Variants in LIG1 observed in about 807,000 individuals in gnomAD.
LIG1 encodes the protein DNA ligase 1.
In LIG1, 70 loss-of-function variants were observed where a neutral mutation model predicts 115.7. The ratio of observed to expected loss-of-function variants is 0.60; its 90% CI spans 0.50 to 0.74. LIG1 has a LOEUF of 0.74. LIG1 is among the 30% of genes least tolerant of loss of function. LIG1 has a pLI of 0.00. For missense variants in LIG1, 1,115 were observed against 1,225.6 expected (o/e 0.91, Z 1.35); for synonymous variants, 487 against 495.3 (o/e 0.98, Z 0.22).
At chr19:48,157,995 G>A (rs912346568) in intron 4 of LIG1, among the ~76,000 whole-genome samples, 4 of 152,096 alleles carry the variant, frequency 2.6e-5, no homozygotes, top group African/African-American at 7.2e-5. Flanking sequence ...GGTAGGAACC[G>A]AGTTCTTCCT....
intron 24 of LIG1, chr19:48,120,696 C>G (rs3731029): frequency 0.072 from 30,849 of 428,754 alleles, 2,333 homozygotes; most frequent in African/African-American, 0.27. Flanking sequence ...ACTCAGGGTC[C>G]AACCCCCTTT....
rs145224280 is a variant in LIG1, at chr19:48,152,312, G to A, written c.467-973C>T. On this transcript the variant is annotated intron_variant, in intron 6 of 27. Coordinates refer to ENST00000263274, the MANE Select transcript of LIG1 (RefSeq NM_000234.3). ...TAATTTTTATAATTTTGGTAGGGAT[G>A]GGGTTTCACCATGTTGGCCAGGCTG... Among the ~76,000 whole-genome samples, 1,035 of 152,142 alleles carry A rather than the reference G, an allele frequency of 6.8e-3. 14 individuals are homozygous for A. Among genetic ancestry groups the A allele is most frequent in the African/African-American group, 0.023 (958 of 41,504 alleles).
Position 48,135,164 on chromosome 19 carries a change from G to A in LIG1, c.1523+516C>T, listed in dbSNP as rs918184603. ...CTGTCAGCGTCTTTCTTTTTTTTAA[G>A]ACAGTCTCACTCTGTTGCCCAGGCT... On this transcript the variant is annotated intron_variant, in intron 16 of 27. Transcript: ENST00000263274. Among the ~76,000 whole-genome samples the A allele has an allele frequency of 2.0e-5, 3 of 151,994 alleles. No individual in the cohort carries two copies. The East Asian group carries it at 5.8e-4, about 29-fold the overall frequency.
intron 11 of LIG1, among the ~76,000 whole-genome samples, chr19:48,141,477 G>A (rs193098249): frequency 1.3e-5 from 2 of 152,270 alleles, no homozygotes; most frequent in East Asian, 3.9e-4. Flanking sequence ...CCCCTCTGAG[G>A]TAGGTACCAT....
Position 48,137,551 on chromosome 19 carries a change from G to T in LIG1, c.1225C>A (p.Arg409Ser). 6.2e-7 allele frequency: 1 copy of T among 1,613,342 alleles called. No individual in the cohort carries two copies. The highest frequency in any genetic ancestry group is 8.5e-7 in the Non-Finnish European group (1 of 1,180,006). The change falls in exon 13 of 28, where the codon CGC (arginine) becomes AGC (serine). Residue 409 changes from arginine (R) to serine (S), a missense_variant. Arg to Ser is a moderately radical substitution (Grantham distance 110). Coordinates refer to ENST00000263274, the MANE Select transcript of LIG1 (RefSeq NM_000234.3). The surrounding 1 kb of genome is among the most constrained non-coding windows in gnomAD (Gnocchi z 4.3). Reference sequence around the variant, plus strand: ...CTGCCAGTGAGCCTGGCGATGTCGCGGAACTTGCTGAAGACCCCGGAGGCA... The same window carrying T: ...CTGCCAGTGAGCCTGGCGATGTCGCTGAACTTGCTGAAGACCCCGGAGGCA... Reference protein sequence around the residue: ...LTASGVFSKFRDIARLTGSAS... With the variant: ...LTASGVFSKFSDIARLTGSAS...
In LIG1 at chr19:48,170,259, G is replaced by A. The variant is rs908623104; in HGVS notation, c.-76C>T. On this transcript the variant is annotated 5_prime_UTR_variant, in exon 1 of 28. Coordinates refer to ENST00000263274, the MANE Select transcript of LIG1 (RefSeq NM_000234.3). ...CACTTGCCTTGCGTTGGTCCCGCGC[G>A]CCGCTGCCCGGGCAACACACTCAGA... 2.3e-4 allele frequency: 104 copies of A among 455,248 alleles called. No homozygotes were observed. The highest frequency in any genetic ancestry group is 2.0e-3 in the African/African-American group (99 of 50,014). The allele number at this position is 455,248 out of a possible 1,614,324, so 28.2% of individuals were successfully genotyped here.
At chr19:48,116,302 C>T (rs1389886806) in intron 26 of LIG1, 8 of 303,464 alleles carry the variant, frequency 2.6e-5, no homozygotes, top group African/African-American at 6.5e-5. Context: ...AGAAATTAGC[C>T]AGGTGTGGTG....
chr19:48,165,580 T>A lies in LIG1; in HGVS notation c.-14A>T. ...ACTTCGCTGCATGTTGGCGTCAGAA[T>A]TCTCCCTTCCTGTCCAGCACTTTTC... On this transcript the variant is annotated 5_prime_UTR_variant, in exon 2 of 28. Coordinates refer to ENST00000263274, the MANE Select transcript of LIG1 (RefSeq NM_000234.3). 1 of 1,614,130 alleles carries A rather than the reference T, an allele frequency of 6.2e-7. No individual in the cohort carries two copies. The highest frequency in any genetic ancestry group is 8.5e-7 in the Non-Finnish European group (1 of 1,179,984).
At chr19:48,153,122 G>A (rs186103748) in intron 6 of LIG1, among the ~76,000 whole-genome samples, 2 of 150,900 alleles carry the variant, frequency 1.3e-5, no homozygotes, top group East Asian at 3.9e-4. Context: ...TTGAGCCTGG[G>A]AGGTGGAGAC....
rs1402123118 is a variant in LIG1 at position 48,117,841 on chromosome 19, T to A, written c.2440-60A>T. 26 of 1,587,180 alleles carry A rather than the reference T, an allele frequency of 1.6e-5. No homozygotes were observed. The East Asian group carries it at 4.1e-4, about 25-fold the overall frequency. Reference sequence around the variant, plus strand: ...CTGGAATCTCAAAGTCAAGGCCAAGTGTTGGAGGGCTGGGGAGAGGGAGGA... The same window carrying A: ...CTGGAATCTCAAAGTCAAGGCCAAGAGTTGGAGGGCTGGGGAGAGGGAGGA... On this transcript the variant is annotated intron_variant, in intron 25 of 27. Transcript: ENST00000263274.
chr19:48,127,796 T>C, intron 20 of LIG1, 114 bp downstream of exon 20: 2 of 877,128 alleles, frequency 2.3e-6, no homozygotes, highest in Non-Finnish European at 3.9e-6. Flanking sequence ...CTGAGAGAAG[T>C]GCATCCAGAC....
At chr19:48,157,648 A>G (rs565101339) in intron 4 of LIG1, among the ~76,000 whole-genome samples, 3 of 151,928 alleles carry the variant, frequency 2.0e-5, no homozygotes, top group African/African-American at 4.8e-5. Flanking sequence ...AGGTTCAAGC[A>G]ATTCTCCTGC....
At chr19:48,153,355 ATGTT>A (rs1175207412) in intron 6 of LIG1, among the ~76,000 whole-genome samples, 2 of 152,106 alleles carry the variant, frequency 1.3e-5, no homozygotes, top group Non-Finnish European at 2.9e-5. Context: ...TGAACTAAGA[ATGTT>A]TGGGAACTGC....
chr19:48,159,996 C>T (rs559946569), intron 4 of LIG1, among the ~76,000 whole-genome samples: 3 of 152,328 alleles, frequency 2.0e-5, no homozygotes, highest in South Asian at 4.1e-4. Context: ...GGATTACAGG[C>T]GTGAGCCACC....
At chr19:48,133,339 C>T (rs1168347756) in intron 17 of LIG1, 1 of 540,924 alleles carries the variant, frequency 1.8e-6, no homozygotes, top group African/African-American at 1.9e-5. Context: ...GTCTGGCTCA[C>T]ATCCTTGCAA....
intron 21 of LIG1, 111 bp from the exon 22 acceptor site, chr19:48,123,429 T>A (rs1205023385): frequency 7.7e-7 from 1 of 1,300,542 alleles, no homozygotes; most frequent in Non-Finnish European, 1.1e-6. Context: ...AGTGACAGGG[T>A]TCGTGGAAAG....
rs764183464 is a variant in LIG1, at chr19:48,151,275, G to A, written c.531C>T (p.Asp177=). The part of the protein sequence containing the change: ...AEVATEKEGE[D]GDQPTTPPKP... Reference sequence around the variant, plus strand: ...TGGGAGGCGTGGTGGGCTGGTCCCCGTCTTCTCCTTCCTTCTCTGTGGCCA... The same window carrying A: ...TGGGAGGCGTGGTGGGCTGGTCCCCATCTTCTCCTTCCTTCTCTGTGGCCA... Residue 177 remains aspartate (D), a synonymous_variant, in exon 7 of 28, where the codon GAC becomes GAT. Transcript: ENST00000263274. 2.2e-5 allele frequency: 36 copies of A among 1,613,580 alleles called. No individual in the cohort carries two copies. The East Asian group carries it at 6.5e-4, about 29-fold the overall frequency.
chr19:48,161,826 C>CT (rs34448490), intron 3 of LIG1, among the ~76,000 whole-genome samples: 68,297 of 123,466 alleles, frequency 0.55, 20,088 homozygotes, highest in East Asian at 0.84. Flanking sequence ...ATTGGGATGC[C>CT]TTTTTTTTTT....
At chr19:48,129,800 G>A (rs3730999) in intron 19 of LIG1, among the ~76,000 whole-genome samples, 1 of 152,134 alleles carries the variant, frequency 6.6e-6, no homozygotes, top group African/African-American at 2.4e-5. Context: ...CTGTCACCCA[G>A]GCTAGAGTAC....
Sources: allele counts gnomAD v4.1 joint callset (sites outside exome capture counted in the v4.1 genomes callset), GRCh38; gene constraint gnomAD v4.1.1; non-coding constraint Gnocchi (gnomAD v3.1); transcripts MANE v1.5; gene names NCBI Gene and HGNC (gene_info 2026-07-23, HGNC 2026-07-21).